Variants in RABGAP1L observed in about 807,000 individuals in gnomAD.
RABGAP1L encodes rab GTPase-activating protein 1-like.
In RABGAP1L, 63 loss-of-function variants were observed where a neutral mutation model predicts 137.7. The observed-to-expected ratio is 0.46, with a 90% CI of 0.37 to 0.56. The LOEUF is 0.56. Among genes scored for constraint, RABGAP1L ranks in the 20% least tolerant of loss-of-function variants. The pLI is 0.00. For synonymous variants in RABGAP1L, 431 were observed against 433.7 expected (o/e 0.99, Z 0.08); for missense variants, 1,095 against 1,244.0 (o/e 0.88, Z 1.80).
intron 18 of RABGAP1L, among the ~76,000 whole-genome samples, chr1:174,775,544 C>T (rs1573133049): frequency 6.6e-6 from 1 of 152,092 alleles, no homozygotes; most frequent in Non-Finnish European, 1.5e-5. Context: ...AACTCCCGAC[C>T]TCAGGAGATC....
chr1:174,241,967 T>G (rs1189305536), intron 5 of RABGAP1L, among the ~76,000 whole-genome samples: 1 of 152,208 alleles, frequency 6.6e-6, no homozygotes, highest in Non-Finnish European at 1.5e-5. Context: ...CTCTTATTAT[T>G]TTGCCCTAGT....
At chr1:174,439,863 C>A (rs953540109) in intron 13 of RABGAP1L, among the ~76,000 whole-genome samples, 2 of 152,176 alleles carry the variant, frequency 1.3e-5, no homozygotes, top group Non-Finnish European at 2.9e-5. Flanking sequence ...GCAAAGAAAG[C>A]AGATGTTGCT....
Position 174,246,699 on chromosome 1 carries a change from A to G in RABGAP1L, c.718-3776A>G, listed in dbSNP as rs183164415. ...GCTATATGGAATATTACACAGTTTTATATAAGGGACTTAAACATCTATGCA... is the reference window on the plus strand; with the variant it reads ...GCTATATGGAATATTACACAGTTTTGTATAAGGGACTTAAACATCTATGCA... On this transcript the variant is annotated intron_variant, in intron 5 of 25. Transcript: ENST00000681986. 3.9e-3 allele frequency among the ~76,000 whole-genome samples: 594 copies of G among 152,322 alleles called. 4 individuals are homozygous for G. The highest frequency in any genetic ancestry group is 0.012 in the African/African-American group (513 of 41,580).
intron 19 of RABGAP1L, among the ~76,000 whole-genome samples, chr1:174,881,492 CTT>C (rs751296977): frequency 6.4e-4 from 55 of 85,836 alleles, no homozygotes; most frequent in African/African-American, 2.1e-3. Flanking sequence ...ATATCATTTG[CTT>C]TTTTTTTTTT....
chr1:174,438,514 T>C (rs1475340050), intron 13 of RABGAP1L, among the ~76,000 whole-genome samples: 3 of 151,632 alleles, frequency 2.0e-5, no homozygotes, highest in Non-Finnish European at 2.9e-5. Context: ...GTTCAGGAGT[T>C]TGAGGCCAGC....
At chr1:174,250,713 C>A in intron 6 of RABGAP1L, 81 bp downstream of exon 6, 1 of 1,280,714 alleles carries the variant, frequency 7.8e-7, no homozygotes, top group South Asian at 1.5e-5. Context: ...AGAAACTATA[C>A]AGTGTTGGCA....
intron 1 of RABGAP1L, among the ~76,000 whole-genome samples, chr1:174,202,534 G>T (rs1262545474): frequency 1.3e-5 from 2 of 152,070 alleles, no homozygotes; most frequent in Non-Finnish European, 2.9e-5. Flanking sequence ...TGAGTTCATT[G>T]TAGATTCTGG....
chr1:174,486,839 C>CT (rs1217415338), intron 13 of RABGAP1L, among the ~76,000 whole-genome samples: 2 of 151,950 alleles, frequency 1.3e-5, no homozygotes, highest in Admixed American at 6.6e-5. Context: ...TTTTTATTAT[C>CT]TTTTTTACAA....
chr1:174,718,314 A>G (rs1448716027), intron 17 of RABGAP1L, among the ~76,000 whole-genome samples: 1 of 152,256 alleles, frequency 6.6e-6, no homozygotes, highest in Non-Finnish European at 1.5e-5. Context: ...GATCTACCGT[A>G]TATAAGCCAA....
chr1:174,734,698 G>C (rs989024494), intron 17 of RABGAP1L, among the ~76,000 whole-genome samples: 5 of 152,100 alleles, frequency 3.3e-5, no homozygotes, highest in Non-Finnish European at 7.4e-5. Context: ...TTTTCCACTG[G>C]GACCATGTGC....
rs769540087 is a variant in RABGAP1L at position 174,877,526 on chromosome 1, A to G, written c.2340+65566A>G. ...GAAGAAATCTCCATTATGGTAGCCT[A>G]TGACGCCCATGTTTTCAGCCAGCTG... On this transcript the variant is annotated intron_variant, in intron 19 of 25. Transcript: ENST00000681986. 39 of 1,614,110 alleles carry G rather than the reference A, an allele frequency of 2.4e-5. 1 individual carries two copies. The South Asian group carries it at 2.7e-4, about 11-fold the overall frequency.
chr1:174,288,065 TAAC>T, intron 10 of RABGAP1L, among the ~76,000 whole-genome samples: 1 of 152,276 alleles, frequency 6.6e-6, no homozygotes, highest in Non-Finnish European at 1.5e-5. Flanking sequence ...TTTAAGCCAG[TAAC>T]AACTCAACTG....
intron 7 of RABGAP1L, among the ~76,000 whole-genome samples, chr1:174,269,818 T>C (rs1386287372): frequency 3.3e-5 from 5 of 152,186 alleles, no homozygotes; most frequent in Non-Finnish European, 7.4e-5. Context: ...CCCCCCACTA[T>C]ACTGTAAACT....
chr1:174,765,052 A>G (rs1053454649), intron 18 of RABGAP1L, among the ~76,000 whole-genome samples: 13 of 152,090 alleles, frequency 8.5e-5, no homozygotes, highest in African/African-American at 2.9e-4. Context: ...GTCCGTGTCA[A>G]TCTCATCTGT....
intron 10 of RABGAP1L, among the ~76,000 whole-genome samples, chr1:174,292,027 T>TATTATTATTATC (rs1252940880): frequency 1.4e-5 from 2 of 146,664 alleles, no homozygotes; most frequent in African/African-American, 5.0e-5. Flanking sequence ...CATTTATTAT[T>TATTATTATTATC]ATTATTATTA....
chr1:174,937,616 T>C (rs1665072455), intron 19 of RABGAP1L, among the ~76,000 whole-genome samples: 1 of 96,928 alleles, frequency 1.0e-5, no homozygotes, highest in Admixed American at 9.3e-5. Context: ...CAATACTTCA[T>C]TAAATATATA....
intron 18 of RABGAP1L, among the ~76,000 whole-genome samples, chr1:174,778,881 A>G (rs890969208): frequency 6.6e-6 from 1 of 152,194 alleles, no homozygotes; most frequent in Non-Finnish European, 1.5e-5. Context: ...GGAGTGAGCC[A>G]CTGCACCCGG....
chr1:174,727,849 A>G (rs1201911735), intron 17 of RABGAP1L, among the ~76,000 whole-genome samples: 3 of 152,238 alleles, frequency 2.0e-5, no homozygotes, highest in Non-Finnish European at 2.9e-5. Context: ...CAAAAGAAAA[A>G]TAATCCACCA....
intron 13 of RABGAP1L, among the ~76,000 whole-genome samples, chr1:174,581,317 T>A (rs1236591138): frequency 1.3e-5 from 2 of 152,118 alleles, no homozygotes; most frequent in African/African-American, 4.8e-5. Context: ...TCATAGCACA[T>A]CCAAAACGTT....
Sources: gnomAD v4.1 joint callset for allele counts (sites outside exome capture counted in the v4.1 genomes callset) on GRCh38, gnomAD v4.1.1 for gene constraint, MANE v1.5 for transcripts, NCBI Gene and HGNC (gene_info 2026-07-23, HGNC 2026-07-21) for gene names.